Variants in SYNPR observed in about 807,000 individuals in gnomAD.
SYNPR encodes synaptoporin.
In SYNPR, 23 loss-of-function variants were observed where a neutral mutation model predicts 32.9. The ratio of observed to expected loss-of-function variants is 0.70; its 90% CI spans 0.50 to 0.99. The LOEUF (loss-of-function observed/expected upper bound fraction) is 0.99. Ranked by LOEUF, SYNPR falls within the 50% of genes least tolerant of loss-of-function variation. SYNPR has a pLI of 0.00. For missense variants in SYNPR, 318 were observed against 349.3 expected (o/e 0.91, Z 0.71); for synonymous variants, 146 against 135.9 (o/e 1.07, Z -0.52).
intron 3 of SYNPR, among the ~76,000 whole-genome samples, chr3:63,555,054 C>A (rs967896824): frequency 6.6e-6 from 1 of 151,804 alleles, no homozygotes; most frequent in African/African-American, 2.4e-5. Flanking sequence ...GATTTTTGTA[C>A]CCTGATTTTA....
At chr3:63,587,834 C>T (rs1367605335) in intron 4 of SYNPR, among the ~76,000 whole-genome samples, 2 of 152,052 alleles carry the variant, frequency 1.3e-5, no homozygotes, top group African/African-American at 4.8e-5. Flanking sequence ...TGGCCTCAAA[C>T]TCCAGGCCTC....
the SYNPR span, among the ~76,000 whole-genome samples, chr3:63,201,404 A>G: frequency 6.6e-6 from 1 of 152,144 alleles, no homozygotes; most frequent in Non-Finnish European, 1.5e-5. Flanking sequence ...CTGCTTAGGT[A>G]CAGAATCATG....
intron 2 of SYNPR, among the ~76,000 whole-genome samples, chr3:63,468,808 T>C (rs577150503): frequency 6.6e-6 from 1 of 152,028 alleles, no homozygotes; most frequent in East Asian, 1.9e-4. Context: ...CTCAAAAACA[T>C]ACAAACAAAC....
intron 2 of SYNPR, among the ~76,000 whole-genome samples, chr3:63,438,764 G>A (rs982051911): frequency 6.6e-6 from 1 of 152,204 alleles, no homozygotes; most frequent in African/African-American, 2.4e-5. Context: ...AAGATTTCAA[G>A]GTTGTTCCAT....
intron 2 of SYNPR, among the ~76,000 whole-genome samples, chr3:63,362,507 C>G (rs1313297885): frequency 6.6e-6 from 1 of 152,016 alleles, no homozygotes; most frequent in East Asian, 1.9e-4. Flanking sequence ...AAAAATGGAG[C>G]CTACCATGTT....
At position 63,481,164 on chromosome 3, in the gene SYNPR, C is replaced by A. The variant is rs549481159; in HGVS notation, c.209+208C>A. Among the ~76,000 whole-genome samples, 6 of 146,120 alleles carry A rather than the reference C, an allele frequency of 4.1e-5. No individual in the cohort carries two copies. The South Asian group carries it at 1.1e-3, about 27-fold the overall frequency. On this transcript the variant is annotated intron_variant, in intron 3 of 5. Coordinates refer to ENST00000478300, the MANE Select transcript of SYNPR (RefSeq NM_001130003.2). The stretch of plus-strand genomic sequence containing the variant: ...TATGAGTTGTGCCTTCAAGACAGAA[C>A]TGACTCTCCTCAAAAAAAAAGAAAA...
At chr3:63,530,563 C>A (rs111366548) in intron 3 of SYNPR, among the ~76,000 whole-genome samples, 2,321 of 152,258 alleles carry the variant, frequency 0.015, 49 homozygotes, top group African/African-American at 0.049. Flanking sequence ...GGGAAGCATG[C>A]GTTCCATTAA....
At chr3:63,350,322 C>T (rs1442854071) in intron 2 of SYNPR, among the ~76,000 whole-genome samples, 2 of 152,074 alleles carry the variant, frequency 1.3e-5, no homozygotes, top group Admixed American at 6.5e-5. Context: ...CTCATAGAGA[C>T]CCAGGCAGCT....
intron 2 of SYNPR, among the ~76,000 whole-genome samples, chr3:63,437,679 A>G (rs1338844206): frequency 6.6e-6 from 1 of 152,070 alleles, no homozygotes; most frequent in Non-Finnish European, 1.5e-5. Context: ...AAGAAAAAGA[A>G]GGAAAGAAAG....
At chr3:63,573,326 C>T (rs1702920994) in intron 4 of SYNPR, among the ~76,000 whole-genome samples, 1 of 152,136 alleles carries the variant, frequency 6.6e-6, no homozygotes, top group African/African-American at 2.4e-5. Context: ...AGCTAACTTG[C>T]ACCTGTCCAT....
chr3:63,272,510 A>ATT (rs35963299), intron 3 of SYNPR, among the ~76,000 whole-genome samples: 4,774 of 136,246 alleles, frequency 0.035, 104 homozygotes, highest in African/African-American at 0.047. Context: ...TTCCATGGGC[A>ATT]TTTTTTTTTT....
At chr3:63,511,622 A>C (rs1411498930) in intron 3 of SYNPR, among the ~76,000 whole-genome samples, 4 of 152,172 alleles carry the variant, frequency 2.6e-5, no homozygotes, top group Non-Finnish European at 5.9e-5. Flanking sequence ...AAGGCGAGCC[A>C]GTAAGTTCTT....
chr3:63,356,419 T>C (rs1177332961), intron 2 of SYNPR, among the ~76,000 whole-genome samples: 1 of 152,238 alleles, frequency 6.6e-6, no homozygotes, highest in Non-Finnish European at 1.5e-5. Context: ...GACAGTATGG[T>C]AAGTGCTTCA....
chr3:63,584,756 C>T (rs1703153893), intron 4 of SYNPR, among the ~76,000 whole-genome samples: 1 of 152,010 alleles, frequency 6.6e-6, no homozygotes, highest in South Asian at 2.1e-4. Context: ...TACTTAAATG[C>T]AAATGAGACA....
At chr3:63,341,901 T>A (rs1202721146) in intron 2 of SYNPR, among the ~76,000 whole-genome samples, 1 of 152,190 alleles carries the variant, frequency 6.6e-6, no homozygotes, top group Non-Finnish European at 1.5e-5. Flanking sequence ...TCATGGATTG[T>A]GTTTTTGGTG....
chr3:63,231,139 A>G (rs146999506), intron 1 of SYNPR, among the ~76,000 whole-genome samples: 2 of 152,226 alleles, frequency 1.3e-5, no homozygotes, highest in African/African-American at 4.8e-5. Context: ...AATGTGGTAT[A>G]TGTATACCAT....
intron 3 of SYNPR, among the ~76,000 whole-genome samples, chr3:63,535,191 A>G (rs1026185993): frequency 1.3e-5 from 2 of 152,204 alleles, no homozygotes; most frequent in African/African-American, 4.8e-5. Flanking sequence ...GTGGTTAATT[A>G]CTTTAGTAAT....
intron 3 of SYNPR, among the ~76,000 whole-genome samples, chr3:63,511,797 G>A (rs1701704398): frequency 6.6e-6 from 1 of 152,076 alleles, no homozygotes; most frequent in Non-Finnish European, 1.5e-5. Flanking sequence ...AACTTATGAG[G>A]TTTCTGCTGC....
At chr3:63,440,329 A>G (rs1416102657) in intron 2 of SYNPR, among the ~76,000 whole-genome samples, 2 of 152,166 alleles carry the variant, frequency 1.3e-5, no homozygotes, top group African/African-American at 2.4e-5. Flanking sequence ...GATAGATGAG[A>G]GGTAGACTGC....
Sources: gnomAD v4.1 joint callset for allele counts (sites outside exome capture counted in the v4.1 genomes callset) on GRCh38, gnomAD v4.1.1 for gene constraint, MANE v1.5 for transcripts, NCBI Gene and HGNC (gene_info 2026-07-23, HGNC 2026-07-21) for gene names.